Variants in KIAA1671 observed in about 807,000 individuals in gnomAD.
KIAA1671 encodes the protein uncharacterized protein KIAA1671.
A neutral mutation model predicts 131.2 loss-of-function variants in KIAA1671; 52 were observed. The observed-to-expected ratio is 0.40, with a 90% CI of 0.32 to 0.50. The LOEUF (loss-of-function observed/expected upper bound fraction) is 0.50, where lower values mean the gene tolerates loss of function less well. Among genes scored for constraint, KIAA1671 ranks in the 20% least tolerant of loss-of-function variants. The pLI, the probability that KIAA1671 is intolerant of heterozygous loss-of-function variation, is 0.73. For synonymous variants in KIAA1671, 1,003 were observed against 961.6 expected (o/e 1.04, Z -0.80); for missense variants, 2,360 against 2,364.2 (o/e 1.00, Z 0.04).
chr22:25,147,976 T>C (rs894801096), intron 6 of KIAA1671, among the ~76,000 whole-genome samples: 1 of 135,746 alleles, frequency 7.4e-6, no homozygotes, highest in South Asian at 2.5e-4. Context: ...TTTCCTCCCT[T>C]CCCCTCCCTC....
chr22:25,029,859 G>A (rs1218640426), intron 3 of KIAA1671, among the ~76,000 whole-genome samples: 4 of 152,196 alleles, frequency 2.6e-5, no homozygotes, highest in African/African-American at 9.7e-5. Flanking sequence ...AAATACTGTG[G>A]GGAGGTGGGA....
chr22:25,155,953 C>CATAT (rs34214245), intron 6 of KIAA1671, among the ~76,000 whole-genome samples: 6 of 137,986 alleles, frequency 4.3e-5, no homozygotes, highest in Non-Finnish European at 9.2e-5. Flanking sequence ...TAAATACACA[C>CATAT]ATATATATGT....
intron 6 of KIAA1671, among the ~76,000 whole-genome samples, chr22:25,071,427 A>G (rs1928811216): frequency 6.6e-6 from 1 of 152,218 alleles, no homozygotes; most frequent in Admixed American, 6.5e-5. Flanking sequence ...GTGGGGAAAC[A>G]GGAGATCCCC....
chr22:25,053,545 G>A (rs1290406276), intron 6 of KIAA1671: 1 of 152,170 alleles, frequency 6.6e-6, no homozygotes, highest in African/African-American at 2.4e-5. Context: ...AAACCTATTG[G>A]TTAGCATATG....
At chr22:25,058,366 A>C (rs1438190780) in intron 6 of KIAA1671, 2 of 152,170 alleles carry the variant, frequency 1.3e-5, no homozygotes, top group African/African-American at 4.8e-5. Context: ...CTATTAAATA[A>C]AGTTCATAGT....
At chr22:24,996,422 G>C (rs1042418395) in intron 1 of KIAA1671, among the ~76,000 whole-genome samples, 3 of 152,160 alleles carry the variant, frequency 2.0e-5, no homozygotes, top group Non-Finnish European at 4.4e-5. Flanking sequence ...TTGGCCACTG[G>C]AATTGCCATT....
At chr22:25,161,973 G>C (rs1487365145) in intron 6 of KIAA1671, among the ~76,000 whole-genome samples, 1 of 152,136 alleles carries the variant, frequency 6.6e-6, no homozygotes, top group Non-Finnish European at 1.5e-5. Context: ...AGGAGAATGT[G>C]CTGTCTTTGG....
chr22:25,089,368 G>A (rs563476186), intron 6 of KIAA1671, among the ~76,000 whole-genome samples: 35 of 145,700 alleles, frequency 2.4e-4, no homozygotes, highest in African/African-American at 7.5e-4. Context: ...TCTGCCTCCC[G>A]GGTTCAAGCA....
intron 6 of KIAA1671, among the ~76,000 whole-genome samples, chr22:25,096,806 A>G (rs575915394): frequency 9.0e-4 from 137 of 152,140 alleles, no homozygotes; most frequent in Admixed American, 1.9e-3. Flanking sequence ...AGCAACCATG[A>G]TCTGCTTTCT....
intron 9 of KIAA1671, among the ~76,000 whole-genome samples, chr22:25,181,129 GTAGAAACT>G (rs1934257357): frequency 1.3e-5 from 2 of 152,092 alleles, no homozygotes; most frequent in Non-Finnish European, 1.5e-5. Context: ...TCTCAGAGAA[GTAGAAACT>G]CCTCCCATAT....
intron 6 of KIAA1671, chr22:25,070,007 C>G (rs991703172): frequency 1.8e-5 from 4 of 218,630 alleles, no homozygotes; most frequent in Non-Finnish European, 2.7e-5. Context: ...CTTCTCTCTT[C>G]TTGCCTTCTT....
At chr22:25,177,188 TG>T in intron 8 of KIAA1671, 159 bp from the exon 9 acceptor site, 1 of 669,536 alleles carries the variant, frequency 1.5e-6, no homozygotes, top group Non-Finnish European at 2.5e-6. Flanking sequence ...ATTTAGGCTT[TG>T]GGTGTTAGGT....
intron 11 of KIAA1671, among the ~76,000 whole-genome samples, chr22:25,189,139 T>TG (rs1568999847): frequency 4.1e-4 from 62 of 149,778 alleles, no homozygotes; most frequent in African/African-American, 1.5e-3. Flanking sequence ...TTTTTTTTTT[T>TG]TTTTTTGTTT....
At chr22:25,123,867 G>A (rs537632696) in intron 6 of KIAA1671, among the ~76,000 whole-genome samples, 12 of 152,324 alleles carry the variant, frequency 7.9e-5, no homozygotes, top group South Asian at 4.1e-4. Flanking sequence ...TATTTGTTAC[G>A]CAGCCAGAGA....
chr22:25,181,319 A>C (rs971490452), intron 9 of KIAA1671, among the ~76,000 whole-genome samples: 1 of 152,160 alleles, frequency 6.6e-6, no homozygotes, highest in Admixed American at 6.5e-5. Context: ...AGCTCTCCAC[A>C]TTCTCCTCTG....
At position 25,197,143 on chromosome 22, in the gene KIAA1671, G is replaced by A. The variant is rs536830332; in HGVS notation, c.*4742G>A. ...TTCACAAGCTCTAGGAGTTCTGAAC[G>A]GAAGGCAGACGAGAGGCACTTTATC... On this transcript the variant is annotated 3_prime_UTR_variant, in exon 13 of 13. Coordinates refer to ENST00000358431, the MANE Select transcript of KIAA1671 (RefSeq NM_001145206.2). 8 of 152,264 alleles carry A rather than the reference G, an allele frequency of 5.3e-5. No homozygotes were observed. The highest frequency in any genetic ancestry group is 2.6e-4 in the Admixed American group (4 of 15,286). 9.4% of individuals were successfully genotyped at this position (152,264 alleles called of 1,614,324 possible).
chr22:25,042,523 A>G (rs1238622738), intron 5 of KIAA1671, among the ~76,000 whole-genome samples: 3 of 147,802 alleles, frequency 2.0e-5, no homozygotes, highest in East Asian at 2.0e-4. Context: ...CTGGAATACA[A>G]TGGTGTGATC....
Position 25,028,258 on chromosome 22 carries a change from A to T in KIAA1671, c.259A>T (p.Ser87Cys). 1 of 1,551,610 alleles carries T rather than the reference A, an allele frequency of 6.4e-7. No homozygotes were observed. The highest frequency in any genetic ancestry group is 1.2e-5 in the South Asian group (1 of 84,064). ...ATCTCCTGTCCCGTCTCTGCGGCCC[A>T]GTTCGACTGGACCTTCCCCCTCTGG... ...VKSPVPSLRP[S>C]STGPSPSGGL... The change falls in exon 3 of 13, where the codon AGT (serine) becomes TGT (cysteine). Residue 87 changes from serine to cysteine, a missense_variant. Around this residue, in one of 3 missense-constraint regions of KIAA1671, gnomAD observed 1,185 missense variants for 1,126.2 expected, o/e 1.05. Transcript: ENST00000358431.
chr22:25,116,382 A>AGTATGTATGTATGTAT (rs139621283), intron 6 of KIAA1671, among the ~76,000 whole-genome samples: 3 of 139,050 alleles, frequency 2.2e-5, no homozygotes, highest in African/African-American at 5.6e-5. Flanking sequence ...CCCCTCCACC[A>AGTATGTATGTATGTAT]GTATGTATGT....
Sources: allele counts gnomAD v4.1 joint callset (sites outside exome capture counted in the v4.1 genomes callset), GRCh38; gene constraint gnomAD v4.1.1; regional missense constraint gnomAD v4.1.1; transcripts MANE v1.5; gene names NCBI Gene and HGNC (gene_info 2026-07-23, HGNC 2026-07-21).